Variants in GRM4 observed in about 807,000 individuals in gnomAD.
The protein encoded by GRM4 is glutamate metabotropic receptor 4, also known as metabotropic glutamate receptor 4.
GRM4 carries 28 observed loss-of-function variants against 81.7 expected under a neutral mutation model. The ratio of observed to expected loss-of-function variants is 0.34; its 90% CI spans 0.25 to 0.47. The LOEUF is 0.47. Among genes scored for constraint, GRM4 ranks in the 20% least tolerant of loss-of-function variants. The pLI is 1.00. For synonymous variants in GRM4, 488 were observed against 528.8 expected (o/e 0.92, Z 1.06); for missense variants, 948 against 1,290.0 (o/e 0.73, Z 4.06).
intron 2 of GRM4, among the ~76,000 whole-genome samples, chr6:34,125,920 C>T (rs1354726219): frequency 1.3e-5 from 2 of 152,230 alleles, no homozygotes; most frequent in African/African-American, 4.8e-5. Flanking sequence ...TTCTCTCCAT[C>T]CCCAGCACCT....
intron 6 of GRM4, among the ~76,000 whole-genome samples, chr6:34,044,421 CAT>C (rs746219365): frequency 1.1e-4 from 16 of 149,930 alleles, no homozygotes; most frequent in Non-Finnish European, 2.2e-4. Context: ...CAGACACACA[CAT>C]ACACACAGAC....
At position 34,058,992 on chromosome 6, in the gene GRM4, T is replaced by A; in HGVS notation, c.1009A>T (p.Lys337Ter). Residue 337 changes from lysine (K) to a stop codon, truncating the protein, a stop_gained, in exon 5 of 11, where the codon AAG (lysine) becomes TAG (stop). Coordinates refer to ENST00000538487, the MANE Select transcript of GRM4 (RefSeq NM_000841.4). LOFTEE classifies it high-confidence loss of function. ...VAEGAVTILPKRMSVRGFDRY... is the reference protein window; with the variant it reads ...VAEGAVTILP ...GCCTTACCTCGTACGGACATCCTCT[T>A]GGGGAGGATCGTGACAGCACCCTCA... 6.2e-7 allele frequency: 1 copy of A among 1,613,020 alleles called. No individual in the cohort carries two copies. The highest frequency in any genetic ancestry group is 8.5e-7 in the Non-Finnish European group (1 of 1,179,722).
intron 6 of GRM4, among the ~76,000 whole-genome samples, chr6:34,041,470 C>G (rs1182118388): frequency 6.6e-6 from 1 of 152,204 alleles, no homozygotes; most frequent in Admixed American, 6.5e-5. Flanking sequence ...CAATGACTCC[C>G]CAAGGCACCG....
In GRM4 at chr6:34,090,995, G is replaced by C. The variant is rs143467947; in HGVS notation, c.736+888C>G. ...CAACAGGGCCCCGAGGAAGTCACAG[G>C]CACCATCCTTCAGCCCCACAGCCCC... is the stretch of plus-strand genomic sequence containing the variant. On this transcript the variant is annotated intron_variant, in intron 3 of 10. Coordinates refer to ENST00000538487, the MANE Select transcript of GRM4 (RefSeq NM_000841.4). The surrounding 1 kb of genome is among the most constrained non-coding windows in gnomAD (Gnocchi z 5.2). 6.9e-3 allele frequency among the ~76,000 whole-genome samples: 1,057 copies of C among 152,152 alleles called. 20 individuals carry two copies. Among genetic ancestry groups the C allele is most frequent in the African/African-American group, 0.024 (1,002 of 41,502 alleles).
At chr6:34,142,217 G>A (rs1770721671) in intron 1 of GRM4, among the ~76,000 whole-genome samples, 2 of 152,166 alleles carry the variant, frequency 1.3e-5, no homozygotes, top group Admixed American at 6.5e-5. Flanking sequence ...TGCAGCCCCG[G>A]TGAGTGGGGC....
chr6:34,034,291 G>A lies in GRM4; in HGVS notation c.2442+1377C>T, dbSNP rs981015623. ...CCTTCCTGATTGCTCAGGCCTCAAAGCATGGTGTCCTCCTTGACTCGACTG... is the reference window on the plus strand; with the variant it reads ...CCTTCCTGATTGCTCAGGCCTCAAAACATGGTGTCCTCCTTGACTCGACTG... On this transcript the variant is annotated intron_variant, in intron 9 of 10. Coordinates refer to ENST00000538487, the MANE Select transcript of GRM4 (RefSeq NM_000841.4). This position sits in a 1 kb window ranked among gnomAD's most constrained non-coding sequence, Gnocchi z 4.0. Among the ~76,000 whole-genome samples the A allele has an allele frequency of 1.3e-5, 2 of 152,112 alleles. No individual in the cohort carries two copies. The highest frequency in any genetic ancestry group is 2.4e-5 in the African/African-American group (1 of 41,390).
chr6:34,110,956 G>T, intron 2 of GRM4: 1 of 828,208 alleles, frequency 1.2e-6, no homozygotes, highest in Non-Finnish European at 1.6e-6. Flanking sequence ...GGAACGCTGT[G>T]CCCCACAGAC....
At chr6:34,077,224 A>G (rs960008801) in intron 3 of GRM4, among the ~76,000 whole-genome samples, 33 of 152,092 alleles carry the variant, frequency 2.2e-4, no homozygotes, top group Admixed American at 3.9e-4. Flanking sequence ...TCCAGAGTTG[A>G]AAGCTCCTTT....
intron 2 of GRM4, among the ~76,000 whole-genome samples, chr6:34,124,829 G>A (rs1769958939): frequency 6.6e-6 from 1 of 152,130 alleles, no homozygotes; most frequent in African/African-American, 2.4e-5. Context: ...CAGCACTCAT[G>A]AACTTGAGGA....
chr6:34,039,138 T>C (rs945912623), intron 8 of GRM4, among the ~76,000 whole-genome samples: 2 of 152,134 alleles, frequency 1.3e-5, no homozygotes, highest in African/African-American at 4.8e-5. Context: ...CCAAGGAGCC[T>C]CATTTAGGAA....
chr6:34,019,604 C>T lies in GRM4; in HGVS notation c.*3217G>A, dbSNP rs924538698. 6.6e-6 allele frequency: 1 copy of T among 152,270 alleles called. No homozygotes were observed. The highest frequency in any genetic ancestry group is 6.5e-5 in the Admixed American group (1 of 15,290). 9.4% of individuals were successfully genotyped at this position (152,270 alleles called of 1,614,324 possible). ...GAAAGTGTGCTGTGGGGTGGGATGTCTGCTAGCCCAATCCTTCATTCAGAC... is the reference window on the plus strand; with the variant it reads ...GAAAGTGTGCTGTGGGGTGGGATGTTTGCTAGCCCAATCCTTCATTCAGAC... On this transcript the variant is annotated 3_prime_UTR_variant, in exon 11 of 11. Transcript: ENST00000538487.
At chr6:34,109,029 C>T (rs1428352443) in intron 2 of GRM4, among the ~76,000 whole-genome samples, 5 of 152,218 alleles carry the variant, frequency 3.3e-5, no homozygotes, top group Admixed American at 1.3e-4. Context: ...ACCCGCCACT[C>T]GGGGTGAGGA....
chr6:34,068,325 T>A lies in GRM4; in HGVS notation c.737-6297A>T, dbSNP rs537634585. ...CCCAGGAATTGAGAACACTCTGGAC[T>A]TGTAAATCCCACTTACCTTCAAGTG... On this transcript the variant is annotated intron_variant, in intron 3 of 10. Coordinates refer to ENST00000538487, the MANE Select transcript of GRM4 (RefSeq NM_000841.4). The surrounding 1 kb of genome is among the most constrained non-coding windows in gnomAD (Gnocchi z 4.2). 1.2e-4 allele frequency among the ~76,000 whole-genome samples: 18 copies of A among 152,270 alleles called. No individual in the cohort carries two copies. The highest frequency in any genetic ancestry group is 3.9e-4 in the African/African-American group (16 of 41,552).
At chr6:34,067,332 T>C (rs989598328) in intron 3 of GRM4, among the ~76,000 whole-genome samples, 1 of 151,492 alleles carries the variant, frequency 6.6e-6, no homozygotes, top group Non-Finnish European at 1.5e-5. Context: ...TCTATGTCCT[T>C]TCTTCCTTTC....
At position 34,080,784 on chromosome 6, in the gene GRM4, G is replaced by A. The variant is rs114245737; in HGVS notation, c.736+11099C>T. ...ATACTTGGTCACGCAGGAGTCACAC[G>A]TGACTTGAGGGATCCTGATCCACTT... On this transcript the variant is annotated intron_variant, in intron 3 of 10. Transcript: ENST00000538487. This position sits in a 1 kb window ranked among gnomAD's most constrained non-coding sequence, Gnocchi z 5.4. Among the ~76,000 whole-genome samples the A allele has an allele frequency of 1.6e-3, 245 of 151,962 alleles. 3 individuals are homozygous for A. Among genetic ancestry groups the A allele is most frequent in the African/African-American group, 5.4e-3 (225 of 41,426 alleles).
At position 34,022,982 on chromosome 6, in the gene GRM4, A is replaced by G. The variant is rs896275106; in HGVS notation, c.2690-112T>C. ...AACCTACCATAGCTCCCCGCCTCTC[A>G]TGGCATCCAGTCCTGAGCTGAGCAA... On this transcript the variant is annotated intron_variant, in intron 10 of 10. Transcript: ENST00000538487. This position sits in a 1 kb window ranked among gnomAD's most constrained non-coding sequence, Gnocchi z 5.6. 2.7e-5 allele frequency: 23 copies of G among 845,824 alleles called. No individual in the cohort carries two copies. The highest frequency in any genetic ancestry group is 4.3e-4 in the Middle Eastern group (2 of 4,598). The allele number at this position is 845,824 out of a possible 1,614,324, so 52.4% of individuals were successfully genotyped here.
At chr6:34,100,625 T>A (rs528447480) in intron 2 of GRM4, among the ~76,000 whole-genome samples, 9 of 152,356 alleles carry the variant, frequency 5.9e-5, no homozygotes, top group Non-Finnish European at 1.2e-4. Flanking sequence ...CCTGCCTTCA[T>A]GGAGCGGACA....
chr6:34,056,818 G>T (rs907565246), intron 5 of GRM4, 134 bp from the exon 6 acceptor site: 2 of 977,738 alleles, frequency 2.0e-6, no homozygotes, highest in East Asian at 2.6e-5. Flanking sequence ...CTCTGATCCA[G>T]GAGAAAACAA....
At chr6:34,144,785 G>A (rs967893590) in intron 1 of GRM4, among the ~76,000 whole-genome samples, 1 of 152,192 alleles carries the variant, frequency 6.6e-6, no homozygotes, top group African/African-American at 2.4e-5. Flanking sequence ...CCTCCATCCG[G>A]TGGAAGCCCC....
Sources: allele counts gnomAD v4.1 joint callset (sites outside exome capture counted in the v4.1 genomes callset), GRCh38; gene constraint gnomAD v4.1.1; non-coding constraint Gnocchi (gnomAD v3.1); transcripts MANE v1.5; gene names NCBI Gene and HGNC (gene_info 2026-07-23, HGNC 2026-07-21).